Variants in NOX4 observed in about 807,000 individuals in gnomAD.
NOX4 encodes NADPH oxidase 4.
A neutral mutation model predicts 87.6 loss-of-function variants in NOX4; 69 were observed. The observed-to-expected ratio is 0.79, with a 90% CI of 0.65 to 0.96. The LOEUF is 0.96. NOX4 is among the 40% of genes least tolerant of loss of function. The pLI is 0.00. For synonymous variants in NOX4, 275 were observed against 238.2 expected, an observed-to-expected ratio of 1.15 and a Z score of -1.42; for missense variants, 680 against 681.5, an observed-to-expected ratio of 1.00 and a Z score of 0.02.
At chr11:89,461,399 C>T (rs909123881) in intron 2 of NOX4, among the ~76,000 whole-genome samples, 8 of 151,840 alleles carry the variant, frequency 5.3e-5, no homozygotes, top group African/African-American at 1.7e-4. Flanking sequence ...AATCCCAGCA[C>T]TTTGGGAGGC....
intron 2 of NOX4, chr11:89,489,053 T>C: frequency 1.4e-6 from 1 of 699,000 alleles, no homozygotes; most frequent in South Asian, 1.5e-5. Flanking sequence ...ACTATTTTTT[T>C]CAACCCATTG....
At chr11:89,391,136 A>C (rs1011783922) in intron 11 of NOX4, among the ~76,000 whole-genome samples, 1 of 152,144 alleles carries the variant, frequency 6.6e-6, no homozygotes, top group Non-Finnish European at 1.5e-5. Flanking sequence ...CTATGAATTC[A>C]TCTTTCAAAG....
chr11:89,549,171 A>T, the NOX4 span, among the ~76,000 whole-genome samples: 1 of 152,132 alleles, frequency 6.6e-6, no homozygotes, highest in African/African-American at 2.4e-5. Context: ...CTTTCACTAG[A>T]TTTTTTAGAT....
At chr11:89,363,279 A>G (rs561206733) in intron 12 of NOX4, among the ~76,000 whole-genome samples, 2 of 152,140 alleles carry the variant, frequency 1.3e-5, no homozygotes, top group African/African-American at 2.4e-5. Flanking sequence ...TCTGTTACAT[A>G]TATATCAATA....
intron 12 of NOX4, among the ~76,000 whole-genome samples, chr11:89,358,590 T>C (rs1172240762): frequency 6.6e-6 from 1 of 151,586 alleles, no homozygotes; most frequent in Non-Finnish European, 1.5e-5. Flanking sequence ...TAAAAATAGA[T>C]AAATGATAAC....
intron 8 of NOX4, among the ~76,000 whole-genome samples, chr11:89,408,770 C>A (rs1359810085): frequency 6.6e-6 from 1 of 152,130 alleles, no homozygotes; most frequent in African/African-American, 2.4e-5. Flanking sequence ...TGCACCGGAC[C>A]TTGCTCTTTA....
intron 13 of NOX4, among the ~76,000 whole-genome samples, chr11:89,352,241 T>C (rs1259413189): frequency 6.6e-6 from 1 of 152,176 alleles, no homozygotes; most frequent in Non-Finnish European, 1.5e-5. Context: ...CAAAATTACA[T>C]ACGTACCACA....
chr11:89,464,722 C>T (rs983009579), intron 2 of NOX4, among the ~76,000 whole-genome samples: 13 of 152,114 alleles, frequency 8.5e-5, no homozygotes, highest in African/African-American at 2.7e-4. Flanking sequence ...TTACAAGTCC[C>T]ACCTGTCAAG....
chr11:89,332,610 T>A (rs937188259), intron 17 of NOX4, among the ~76,000 whole-genome samples: 2 of 151,926 alleles, frequency 1.3e-5, no homozygotes, highest in Non-Finnish European at 2.9e-5. Flanking sequence ...GCATTCATAG[T>A]AAACATGGGA....
intron 2 of NOX4, among the ~76,000 whole-genome samples, chr11:89,456,924 G>A (rs1345327634): frequency 6.6e-6 from 1 of 152,140 alleles, no homozygotes; most frequent in Non-Finnish European, 1.5e-5. Flanking sequence ...AATGGGATGG[G>A]ACCAGTCCAA....
chr11:89,461,197 T>C (rs1161352961), intron 2 of NOX4, among the ~76,000 whole-genome samples: 1 of 151,814 alleles, frequency 6.6e-6, no homozygotes, highest in Non-Finnish European at 1.5e-5. Flanking sequence ...TTAGGAGATA[T>C]ACCTAATGTT....
At chr11:89,583,454 T>A in the NOX4 span, among the ~76,000 whole-genome samples, 2 of 152,162 alleles carry the variant, frequency 1.3e-5, no homozygotes, top group African/African-American at 2.4e-5. Context: ...CTAAACTAAT[T>A]CCCTTTCCAC....
chr11:89,354,780 T>C (rs951746370), intron 13 of NOX4, among the ~76,000 whole-genome samples, 182 bp downstream of exon 13: 1 of 152,186 alleles, frequency 6.6e-6, no homozygotes, highest in African/African-American at 2.4e-5. Flanking sequence ...GTATTTCTTC[T>C]ATGACCCAGC....
At chr11:89,333,717 T>G (rs1234391082) in intron 17 of NOX4, among the ~76,000 whole-genome samples, 5 of 151,794 alleles carry the variant, frequency 3.3e-5, no homozygotes, top group Non-Finnish European at 7.4e-5. Context: ...TGCTACATTG[T>G]AAATGAAACC....
intron 11 of NOX4, 79 bp from the exon 12 acceptor site, chr11:89,373,571 G>C (rs1939618385): frequency 1.1e-6 from 1 of 896,262 alleles, no homozygotes; most frequent in Admixed American, 1.8e-5. Flanking sequence ...CTTTTATCCT[G>C]ATAGCAAGTC....
upstream of NOX4, among the ~76,000 whole-genome samples, chr11:89,491,825 C>A (rs1179542482): frequency 6.6e-6 from 1 of 151,556 alleles, no homozygotes; most frequent in African/African-American, 2.4e-5. Flanking sequence ...TCTCAAAGAG[C>A]CTTGGTAACG....
chr11:89,358,460 G>A (rs546481152), intron 12 of NOX4, among the ~76,000 whole-genome samples: 113 of 142,866 alleles, frequency 7.9e-4, no homozygotes, highest in Non-Finnish European at 1.7e-4. Flanking sequence ...AGTAAACACA[G>A]AACTTTAAAA....
At chr11:89,381,693 C>G (rs977815229) in intron 11 of NOX4, among the ~76,000 whole-genome samples, 9 of 152,000 alleles carry the variant, frequency 5.9e-5, no homozygotes, top group South Asian at 2.1e-4. Flanking sequence ...TGATTTGGAT[C>G]GGGGGGACCT....
chr11:89,522,272 A>G, the NOX4 span, among the ~76,000 whole-genome samples: 1 of 152,176 alleles, frequency 6.6e-6, no homozygotes, highest in Non-Finnish European at 1.5e-5. Context: ...CATGGAATCA[A>G]TGTAGGTAGA....
Sources: allele counts gnomAD v4.1 joint callset (sites outside exome capture counted in the v4.1 genomes callset), GRCh38; gene constraint gnomAD v4.1.1; transcripts MANE v1.5; gene names NCBI Gene and HGNC (gene_info 2026-07-23, HGNC 2026-07-21).